The following IQCK variants were observed in gnomAD, a reference collection of about 807,000 sequenced individuals.
IQCK encodes IQ domain-containing protein K.
A neutral mutation model predicts 28.1 loss-of-function variants in IQCK; 29 were observed. The observed-to-expected ratio is 1.03, with a 90% CI of 0.77 to 1.41. The LOEUF (loss-of-function observed/expected upper bound fraction) is 1.41. IQCK is among the 40% of genes most tolerant of loss of function. The probability of loss-of-function intolerance (pLI) is 0.00; values close to 1 mark genes in which losing one functional copy is unlikely to be tolerated. For synonymous variants in IQCK, 113 were observed against 115.1 expected (o/e 0.98, Z 0.12); for missense variants, 359 against 314.7 (o/e 1.14, Z -1.07).
chr16:19,828,007 G>T (rs766904291), downstream of IQCK, among the ~76,000 whole-genome samples: 1 of 151,950 alleles, frequency 6.6e-6, no homozygotes, highest in African/African-American at 2.4e-5. Context: ...CCGCCTTCTG[G>T]GTTCAAGTGA....
chr16:19,764,370 T>C (rs1457667153), intron 6 of IQCK: 2 of 305,870 alleles, frequency 6.5e-6, no homozygotes, highest in East Asian at 5.3e-5. Flanking sequence ...AATTTATCCC[T>C]CCATTCCCTT....
At chr16:19,741,043 A>T (rs970686727) in intron 4 of IQCK, among the ~76,000 whole-genome samples, 1 of 152,062 alleles carries the variant, frequency 6.6e-6, no homozygotes, top group African/African-American at 2.4e-5. Flanking sequence ...TGTTCAACAA[A>T]CATTCATTAA....
Position 19,844,492 on chromosome 16 carries a change from G to T in IQCK, c.803-11995G>T, listed in dbSNP as rs188427335. ...ACATTGGAGATGGGTCGGATGACCC[G>T]GTGGCAGTAAGAACAGACAAAAGTG... On this transcript the variant is annotated intron_variant, in intron 9 of 9. Coordinates refer to the IQCK transcript ENST00000320394. Among the ~76,000 whole-genome samples, 692 of 152,258 alleles carry T rather than the reference G, an allele frequency of 4.5e-3. 3 individuals are homozygous for T. The highest frequency in any genetic ancestry group is 6.9e-3 in the Non-Finnish European group (468 of 68,026).
At chr16:19,723,451 G>A (rs1271745954) in intron 1 of IQCK, among the ~76,000 whole-genome samples, 1 of 152,144 alleles carries the variant, frequency 6.6e-6, no homozygotes, top group Non-Finnish European at 1.5e-5. Flanking sequence ...TGTGCTAGGT[G>A]CATTACTTCT....
At chr16:19,771,930 A>G (rs2055326361) in intron 6 of IQCK, among the ~76,000 whole-genome samples, 1 of 152,156 alleles carries the variant, frequency 6.6e-6, no homozygotes, top group Admixed American at 6.6e-5. Context: ...CAGGGAATCA[A>G]CGAGGGATAA....
intron 6 of IQCK, among the ~76,000 whole-genome samples, chr16:19,767,560 C>T (rs1485412692): frequency 6.6e-6 from 1 of 152,068 alleles, no homozygotes; most frequent in African/African-American, 2.4e-5. Context: ...CTCTCAACAT[C>T]CTCTCCGTGA....
chr16:19,737,755 C>T (rs542094314), intron 4 of IQCK, among the ~76,000 whole-genome samples: 5 of 152,044 alleles, frequency 3.3e-5, no homozygotes, highest in African/African-American at 7.2e-5. Context: ...CTCCCCTTCC[C>T]GATGGTACCC....
At chr16:19,804,789 A>G (rs1201052590) in intron 7 of IQCK, among the ~76,000 whole-genome samples, 1 of 152,236 alleles carries the variant, frequency 6.6e-6, no homozygotes, top group Non-Finnish European at 1.5e-5. Flanking sequence ...CATTTAGCCA[A>G]ACATTTCTCA....
chr16:19,768,442 C>G (rs924563201), intron 6 of IQCK, among the ~76,000 whole-genome samples: 4 of 152,118 alleles, frequency 2.6e-5, no homozygotes, highest in Non-Finnish European at 5.9e-5. Flanking sequence ...GATAGATAAA[C>G]CAGTATTCAA....
At chr16:19,784,081 A>C (rs1038014180) in intron 6 of IQCK, among the ~76,000 whole-genome samples, 2 of 152,182 alleles carry the variant, frequency 1.3e-5, no homozygotes, top group African/African-American at 4.8e-5. Context: ...ACAAGTGACA[A>C]ACTCTACTCT....
intron 4 of IQCK, among the ~76,000 whole-genome samples, chr16:19,743,292 A>G (rs1465511339): frequency 6.6e-6 from 1 of 152,210 alleles, no homozygotes; most frequent in Non-Finnish European, 1.5e-5. Context: ...CACAGGAGGT[A>G]ATTTATTAAC....
chr16:19,790,638 T>G (rs1459845386), intron 7 of IQCK, among the ~76,000 whole-genome samples: 2 of 114,322 alleles, frequency 1.7e-5, no homozygotes, highest in Admixed American at 1.5e-4. Flanking sequence ...AAATATTTGC[T>G]ACATGCCCAT....
rs1369381176 is a variant in IQCK at position 19,756,408 on chromosome 16, C to T, written c.475-7440C>T. Among the ~76,000 whole-genome samples the T allele has an allele frequency of 5.3e-5, 8 of 152,008 alleles. No individual in the cohort carries two copies. The East Asian group carries it at 5.8e-4, about 11-fold the overall frequency. On this transcript the variant is annotated intron_variant, in intron 4 of 7. Coordinates refer to ENST00000564186, the Ensembl canonical transcript of IQCK. ...AGTTATTATCACAGCAAAATCGAGC[C>T]GAATATGACTAAACAAACAAACAAG...
At chr16:19,764,786 G>A (rs1206708229) in intron 6 of IQCK, among the ~76,000 whole-genome samples, 1 of 149,192 alleles carries the variant, frequency 6.7e-6, no homozygotes, top group Non-Finnish European at 1.5e-5. Context: ...CACCTCCCGG[G>A]TTCATGCCAT....
intron 6 of IQCK, among the ~76,000 whole-genome samples, chr16:19,781,060 G>T (rs2055476105): frequency 6.6e-6 from 1 of 152,102 alleles, no homozygotes; most frequent in East Asian, 1.9e-4. Flanking sequence ...GAGGTAGGTG[G>T]TCTGCTCTTC....
chr16:19,733,922 G>A, intron 3 of IQCK, 95 bp downstream of exon 3: 1 of 1,149,512 alleles, frequency 8.7e-7, no homozygotes, highest in Non-Finnish European at 1.3e-6. Context: ...ACCTCAGGGA[G>A]ACCACATACA....
chr16:19,772,708 A>T (rs1330580185), intron 6 of IQCK, among the ~76,000 whole-genome samples: 6 of 152,122 alleles, frequency 3.9e-5, no homozygotes, highest in East Asian at 1.9e-4. Flanking sequence ...CATAACAAAA[A>T]TTTTTTTAAA....
chr16:19,776,034 C>A (rs1173798899), intron 6 of IQCK, among the ~76,000 whole-genome samples: 1 of 151,886 alleles, frequency 6.6e-6, no homozygotes, highest in African/African-American at 2.4e-5. Flanking sequence ...GCACCCAACA[C>A]CATGCCTGAC....
chr16:19,828,415 G>A (rs1245751305), downstream of IQCK, among the ~76,000 whole-genome samples: 1 of 145,722 alleles, frequency 6.9e-6, no homozygotes, highest in Non-Finnish European at 1.5e-5. Flanking sequence ...TGTATTTTTA[G>A]TAGAGACAGG....
Sources: allele counts gnomAD v4.1 joint callset (sites outside exome capture counted in the v4.1 genomes callset), GRCh38; gene constraint gnomAD v4.1.1; transcripts MANE v1.5; gene names NCBI Gene and HGNC (gene_info 2026-07-23, HGNC 2026-07-21).